DAB1: variants seen among roughly 807,000 people sequenced by gnomAD.
The protein encoded by DAB1 is disabled homolog 1.
DAB1 carries 15 observed loss-of-function variants against 64.6 expected under a neutral mutation model. The observed-to-expected ratio is 0.23, with a 90% CI of 0.16 to 0.36. DAB1 has a LOEUF of 0.36. Among genes scored for constraint, DAB1 ranks in the 10% least tolerant of loss-of-function variants. The pLI is 1.00. For missense variants in DAB1, 596 were observed against 706.7 expected, an observed-to-expected ratio of 0.84 and a Z score of 1.78; for synonymous variants, 235 against 251.9, an observed-to-expected ratio of 0.93 and a Z score of 0.64.
intron 7 of DAB1, among the ~76,000 whole-genome samples, chr1:57,499,867 T>C (rs911729932): frequency 2.6e-5 from 4 of 152,210 alleles, no homozygotes; most frequent in East Asian, 3.8e-4. Context: ...CTATACTTGA[T>C]TGTGAGCTGC....
intron 5 of DAB1, among the ~76,000 whole-genome samples, chr1:57,899,822 A>G (rs1391239751): frequency 2.6e-5 from 4 of 152,122 alleles, no homozygotes; most frequent in African/African-American, 9.7e-5. Context: ...TTTACCTCGG[A>G]ATGCACCAGG....
rs540507665 is a variant in DAB1, at chr1:57,181,179, G to C, written c.68-35750C>G. 7.9e-5 allele frequency among the ~76,000 whole-genome samples: 12 copies of C among 152,288 alleles called. No individual in the cohort carries two copies. In the South Asian group the frequency reaches 2.5e-3, roughly 32 times the overall value. ...TGGAAGGGAAAAGAAGTGATGTTCAGAAAACAAATAGCAGCTGTAGGGAAA... is the reference window on the plus strand; with the variant it reads ...TGGAAGGGAAAAGAAGTGATGTTCACAAAACAAATAGCAGCTGTAGGGAAA... On this transcript the variant is annotated intron_variant, in intron 2 of 14. Coordinates refer to ENST00000371236, the MANE Select transcript of DAB1 (RefSeq NM_001365792.1).
chr1:57,383,545 G>C (rs1267890644), intron 1 of DAB1, among the ~76,000 whole-genome samples: 2 of 152,184 alleles, frequency 1.3e-5, no homozygotes, highest in Non-Finnish European at 2.9e-5. Context: ...AAACAGTGTG[G>C]TGCTGGCATA....
intron 4 of DAB1, among the ~76,000 whole-genome samples, chr1:58,335,655 A>C (rs1006208611): frequency 2.0e-5 from 3 of 152,114 alleles, no homozygotes; most frequent in Non-Finnish European, 2.9e-5. Flanking sequence ...GTTTGGGGGC[A>C]GGGTGGAAGT....
intron 5 of DAB1, among the ~76,000 whole-genome samples, chr1:57,982,155 C>G (rs979419027): frequency 6.6e-6 from 1 of 152,126 alleles, no homozygotes; most frequent in South Asian, 2.1e-4. Context: ...GTGGTTTTAT[C>G]CTGGTGGCCT....
chr1:58,362,463 C>T (rs1057099445), intron 3 of DAB1, among the ~76,000 whole-genome samples: 10 of 152,158 alleles, frequency 6.6e-5, no homozygotes, highest in African/African-American at 2.2e-4. Context: ...TGGACTAGTC[C>T]AGCTTTTGAG....
intron 3 of DAB1, among the ~76,000 whole-genome samples, chr1:58,488,600 A>G (rs1645617494): frequency 6.6e-6 from 1 of 152,104 alleles, no homozygotes; most frequent in Admixed American, 6.5e-5. Context: ...TACAGGCATG[A>G]GCCACCATGT....
intron 5 of DAB1, among the ~76,000 whole-genome samples, chr1:57,951,828 A>G (rs1188077164): frequency 6.6e-6 from 1 of 152,156 alleles, no homozygotes; most frequent in Non-Finnish European, 1.5e-5. Context: ...TTGGGTATAT[A>G]CTACAGGTGT....
chr1:57,654,777 A>T (rs12133913), intron 6 of DAB1, among the ~76,000 whole-genome samples: 46,602 of 152,010 alleles, frequency 0.31, 7,457 homozygotes, highest in African/African-American at 0.38. Flanking sequence ...TCCACTTAAG[A>T]AAGAGAAAAT....
At chr1:57,104,972 T>C (rs926854780) in intron 4 of DAB1, among the ~76,000 whole-genome samples, 3 of 152,152 alleles carry the variant, frequency 2.0e-5, no homozygotes, top group Non-Finnish European at 2.9e-5. Context: ...CTAAGCCTTT[T>C]TCCCAGGGCT....
chr1:58,244,073 C>T (rs903082477), intron 4 of DAB1, among the ~76,000 whole-genome samples: 1 of 152,088 alleles, frequency 6.6e-6, no homozygotes, highest in African/African-American at 2.4e-5. Context: ...ACACAATGTC[C>T]CAATCCCAGT....
At chr1:57,218,026 C>A (rs2100365260) in intron 2 of DAB1, among the ~76,000 whole-genome samples, 1 of 152,146 alleles carries the variant, frequency 6.6e-6, no homozygotes. Flanking sequence ...TGAGGGAGAC[C>A]CATAATTATG....
At chr1:57,773,360 C>CAT (rs1406495324) in intron 6 of DAB1, among the ~76,000 whole-genome samples, 101 of 151,882 alleles carry the variant, frequency 6.6e-4, no homozygotes, top group Non-Finnish European at 7.4e-5. Context: ...CACACACACA[C>CAT]ACACACACAC....
chr1:58,432,593 A>C (rs957805476), intron 3 of DAB1, among the ~76,000 whole-genome samples: 1 of 152,228 alleles, frequency 6.6e-6, no homozygotes, highest in Non-Finnish European at 1.5e-5. Context: ...CATAGAACTT[A>C]TTAATAATAC....
chr1:57,580,085 G>C (rs943236293), intron 7 of DAB1, among the ~76,000 whole-genome samples: 1 of 152,050 alleles, frequency 6.6e-6, no homozygotes, highest in African/African-American at 2.4e-5. Context: ...GTAGCACAGC[G>C]GCTGTCCCTA....
At chr1:58,201,672 A>C (rs1027974502) in intron 4 of DAB1, among the ~76,000 whole-genome samples, 11 of 152,240 alleles carry the variant, frequency 7.2e-5, no homozygotes, top group Admixed American at 7.2e-4. Flanking sequence ...TTTAGCAAGC[A>C]CTGGGGGATT....
intron 4 of DAB1, among the ~76,000 whole-genome samples, chr1:58,267,952 A>G (rs1205379966): frequency 6.6e-6 from 1 of 152,024 alleles, no homozygotes; most frequent in East Asian, 1.9e-4. Flanking sequence ...GTTTATGGCC[A>G]TATCTGTCTA....
intron 7 of DAB1, among the ~76,000 whole-genome samples, chr1:57,644,868 C>T (rs977530728): frequency 2.0e-5 from 3 of 152,150 alleles, no homozygotes; most frequent in African/African-American, 4.8e-5. Context: ...GTTCAGAATC[C>T]GGAAGCATGA....
intron 1 of DAB1, among the ~76,000 whole-genome samples, chr1:57,827,594 C>T (rs1487928272): frequency 6.6e-6 from 1 of 152,152 alleles, no homozygotes; most frequent in Non-Finnish European, 1.5e-5. Context: ...ATACTTGGTA[C>T]TCAATAATTA....
Sources: allele counts gnomAD v4.1 joint callset (sites outside exome capture counted in the v4.1 genomes callset), GRCh38; gene constraint gnomAD v4.1.1; transcripts MANE v1.5; gene names NCBI Gene and HGNC (gene_info 2026-07-23, HGNC 2026-07-21).